Variants in TPTE2 observed in about 807,000 individuals in gnomAD.
The protein encoded by TPTE2 is phosphatidylinositol 3,4,5-trisphosphate 3-phosphatase TPTE2.
In TPTE2, 53 loss-of-function variants were observed where a neutral mutation model predicts 78.6. That is an observed-to-expected ratio of 0.67 (90% CI 0.54 to 0.85). The LOEUF is 0.85. Among genes scored for constraint, TPTE2 ranks in the 40% least tolerant of loss-of-function variants. The probability of loss-of-function intolerance (pLI) is 0.00; values close to 1 mark genes in which losing one functional copy is unlikely to be tolerated. For synonymous variants in TPTE2, 175 were observed against 206.2 expected (o/e 0.85, Z 1.30); for missense variants, 461 against 623.0 (o/e 0.74, Z 2.77).
chr13:19,449,433 G>A (rs1321581951), intron 13 of TPTE2, among the ~76,000 whole-genome samples: 1 of 152,142 alleles, frequency 6.6e-6, no homozygotes, highest in African/African-American at 2.4e-5. Flanking sequence ...GAGCCACTGT[G>A]CCCAGCCTGA....
In TPTE2 at chr13:19,493,514, A is replaced by G. The variant is rs372349387; in HGVS notation, c.12-13T>C. On this transcript the variant is annotated splice_polypyrimidine_tract_variant and intron_variant, in intron 1 of 19. Coordinates refer to ENST00000400230, the Ensembl canonical transcript of TPTE2. ...GTTTGTCTGTGGACTAGCGGATGAT[A>G]AGAGAATACAGTCAGAGAGGAGACA... The G allele has an allele frequency of 8.1e-6, 13 of 1,612,840 alleles. No homozygotes were observed. In the African/African-American group the frequency reaches 1.6e-4, roughly 20 times the overall value.
At chr13:19,534,911 A>G (rs1203070882) in intron 1 of TPTE2, among the ~76,000 whole-genome samples, 1 of 152,138 alleles carries the variant, frequency 6.6e-6, no homozygotes, top group Non-Finnish European at 1.5e-5. Context: ...ATCTTAAGAT[A>G]ATATACTCTT....
At chr13:19,442,744 A>G (rs1877578083) in intron 13 of TPTE2, among the ~76,000 whole-genome samples, 2 of 152,154 alleles carry the variant, frequency 1.3e-5, no homozygotes, top group Non-Finnish European at 2.9e-5. Flanking sequence ...CTCTGCAGAC[A>G]CTAAAATGGT....
intron 1 of TPTE2, among the ~76,000 whole-genome samples, chr13:19,513,162 T>C (rs1196327893): frequency 6.6e-6 from 1 of 152,234 alleles, no homozygotes; most frequent in Non-Finnish European, 1.5e-5. Context: ...GTACCAATTA[T>C]ATTTGAACAC....
chr13:19,428,454 A>G (rs1430675400), intron 17 of TPTE2, among the ~76,000 whole-genome samples: 3 of 152,120 alleles, frequency 2.0e-5, no homozygotes, highest in Non-Finnish European at 4.4e-5. Context: ...ATCTCAGAAA[A>G]AAAAGAAAAG....
chr13:19,487,126 G>A (rs528515225), intron 3 of TPTE2, among the ~76,000 whole-genome samples: 2 of 152,242 alleles, frequency 1.3e-5, no homozygotes, highest in Non-Finnish European at 2.9e-5. Context: ...ATTTCTGTGG[G>A]GGGTGGCCTA....
chr13:19,471,419 T>G (rs1879608278), intron 6 of TPTE2, among the ~76,000 whole-genome samples: 2 of 152,210 alleles, frequency 1.3e-5, no homozygotes, highest in South Asian at 4.1e-4. Flanking sequence ...AGTTTCTTGT[T>G]TTTTATTTTT....
At chr13:19,555,644 G>C in the TPTE2 span, among the ~76,000 whole-genome samples, 3 of 152,004 alleles carry the variant, frequency 2.0e-5, no homozygotes, top group Non-Finnish European at 2.9e-5. Context: ...CTGTTTGATA[G>C]AATACATAAA....
chr13:19,521,714 A>C (rs577394984), intron 1 of TPTE2, among the ~76,000 whole-genome samples: 1 of 152,194 alleles, frequency 6.6e-6, no homozygotes, highest in East Asian at 1.9e-4. Context: ...ATAACTATGT[A>C]GTTCATATTA....
upstream of TPTE2, among the ~76,000 whole-genome samples, chr13:19,540,408 G>A (rs541686649): frequency 7.3e-5 from 11 of 151,564 alleles, no homozygotes; most frequent in Non-Finnish European, 1.5e-4. Context: ...AGGTTCAAGC[G>A]ATCCTCCCAC....
At chr13:19,464,319 A>C in intron 10 of TPTE2, 137 bp downstream of exon 13, 1 of 899,892 alleles carries the variant, frequency 1.1e-6, no homozygotes, top group Non-Finnish European at 1.7e-6. Flanking sequence ...TGTAACTGGT[A>C]TCAATCCATT....
At chr13:19,543,417 T>C in the TPTE2 span, among the ~76,000 whole-genome samples, 5 of 148,776 alleles carry the variant, frequency 3.4e-5, no homozygotes, top group Non-Finnish European at 7.4e-5. Context: ...TAGAGTGCGA[T>C]GGGCCATCTA....
chr13:19,437,704 C>T (rs1200657872), intron 14 of TPTE2, among the ~76,000 whole-genome samples: 1 of 152,142 alleles, frequency 6.6e-6, no homozygotes, highest in Non-Finnish European at 1.5e-5. Context: ...CATGACTTTA[C>T]TCCCCTCACC....
At chr13:19,449,671 CATAAAT>C (rs1490497908) in intron 13 of TPTE2, among the ~76,000 whole-genome samples, 2 of 151,900 alleles carry the variant, frequency 1.3e-5, no homozygotes, top group African/African-American at 4.8e-5. Flanking sequence ...TGTTGTACAC[CATAAAT>C]ATATTGATTT....
chr13:19,507,503 T>A (rs1225906956), upstream of TPTE2, among the ~76,000 whole-genome samples: 1 of 152,096 alleles, frequency 6.6e-6, no homozygotes. Context: ...CCTGCCTCCA[T>A]CTCCAAAGTC....
the TPTE2 span, chr13:19,560,985 C>A: frequency 2.5e-6 from 4 of 1,584,298 alleles, no homozygotes; most frequent in Non-Finnish European, 3.4e-6. Context: ...GATGACACAC[C>A]GCAGTGGTAG....
intron 3 of TPTE2, 24 bp downstream of exon 6, chr13:19,492,826 T>C (rs1457573223): frequency 6.2e-7 from 1 of 1,613,444 alleles, no homozygotes; most frequent in African/African-American, 1.3e-5. Context: ...TGCATACGTG[T>C]GTCTTCATGT....
At chr13:19,438,066 G>T in intron 14 of TPTE2, 26 bp downstream of exon 17, 1 of 1,596,300 alleles carries the variant, frequency 6.3e-7, no homozygotes, top group East Asian at 2.3e-5. Flanking sequence ...CATCATAAGA[G>T]AAAGTTTGTA....
intron 1 of TPTE2, among the ~76,000 whole-genome samples, chr13:19,528,386 T>A (rs1456391089): frequency 7.0e-6 from 1 of 143,344 alleles, no homozygotes. Context: ...AAACTCCATC[T>A]CAAAAAAAAA....
Sources: allele counts gnomAD v4.1 joint callset (sites outside exome capture counted in the v4.1 genomes callset), GRCh38; gene constraint gnomAD v4.1.1; transcripts MANE v1.5; gene names NCBI Gene and HGNC (gene_info 2026-07-23, HGNC 2026-07-21).